The following USP34 variants were observed in gnomAD, a reference collection of about 807,000 sequenced individuals.
The protein encoded by USP34 is ubiquitin carboxyl-terminal hydrolase 34.
In USP34, 70 loss-of-function variants were observed where a neutral mutation model predicts 460.3. The observed-to-expected ratio is 0.15, with a 90% CI of 0.13 to 0.19. The LOEUF is 0.19. Ranked by LOEUF, USP34 falls within the 10% of genes least tolerant of loss-of-function variation. The probability of loss-of-function intolerance (pLI) is 1.00; values close to 1 mark genes in which losing one functional copy is unlikely to be tolerated. For synonymous variants in USP34, 1,647 were observed against 1,405.3 expected, an observed-to-expected ratio of 1.17 and a Z score of -3.85; for missense variants, 3,985 against 4,236.2, an observed-to-expected ratio of 0.94 and a Z score of 1.65.
At chr2:61,263,914 A>G (rs1572883078) in intron 43 of USP34, among the ~76,000 whole-genome samples, 1 of 152,056 alleles carries the variant, frequency 6.6e-6, no homozygotes, top group East Asian at 1.9e-4. Context: ...TATGAGATCT[A>G]CTCATAATCA....
intron 2 of USP34, among the ~76,000 whole-genome samples, chr2:61,412,189 CAAAAAAAAAA>C (rs10581550): frequency 4.3e-5 from 4 of 92,150 alleles, no homozygotes; most frequent in Non-Finnish European, 8.7e-5. Flanking sequence ...AACTCCATCT[CAAAAAAAAAA>C]AAAAAAAAGA....
chr2:61,190,539 G>A lies in USP34; in HGVS notation c.9708C>T (p.Phe3236=). 1.9e-6 allele frequency: 3 copies of A among 1,613,884 alleles called. No homozygotes were observed. Among genetic ancestry groups the A allele is most frequent in the Non-Finnish European group, 2.5e-6 (3 of 1,179,944 alleles). Reference sequence around the variant, plus strand: ...GTACCTTTAGAAGGAAATGTGTCATGAACGTGTAGACAATGTTGTTGTTTA... The same window carrying A: ...GTACCTTTAGAAGGAAATGTGTCATAAACGTGTAGACAATGTTGTTGTTTA... ...TFLNNNIVYT[F]MTHFLLKVQS... Residue 3236 remains phenylalanine (F), a synonymous_variant, in exon 77 of 80, where the codon TTC becomes TTT. Coordinates refer to ENST00000398571, the MANE Select transcript of USP34 (RefSeq NM_014709.4).
In USP34 at chr2:61,188,123, T is replaced by C; in HGVS notation, c.10620A>G (p.Lys3540=). 1 of 1,613,214 alleles carries C rather than the reference T, an allele frequency of 6.2e-7. No individual in the cohort carries two copies. The highest frequency in any genetic ancestry group is 8.5e-7 in the Non-Finnish European group (1 of 1,179,450). The part of the protein sequence containing the change: ...TIHVVTRISG[K]GNQAAS Reference sequence around the variant, plus strand: ...AATGTCAAGAAGCAGCTTGGTTTCCTTTGCCAGATATCCTTGTGACGACAT... The same window carrying C: ...AATGTCAAGAAGCAGCTTGGTTTCCCTTGCCAGATATCCTTGTGACGACAT... The change falls in exon 80 of 80, where the codon AAA becomes AAG. Residue 3540 remains lysine (K), a synonymous_variant. Transcript: ENST00000398571.
chr2:61,249,288 A>C (rs922908476), intron 48 of USP34, among the ~76,000 whole-genome samples: 9 of 152,234 alleles, frequency 5.9e-5, no homozygotes, highest in Non-Finnish European at 8.8e-5. Flanking sequence ...CCTTGAATAC[A>C]AACAGTACAA....
intron 5 of USP34, among the ~76,000 whole-genome samples, chr2:61,391,221 G>A (rs1219709673): frequency 2.6e-5 from 4 of 152,254 alleles, no homozygotes; most frequent in Non-Finnish European, 2.9e-5. Context: ...CAAGGCGGGC[G>A]GATCATTTGA....
In USP34 at chr2:61,417,898, G is replaced by A. The variant is rs139559621; in HGVS notation, c.131+2848C>T. Among the ~76,000 whole-genome samples, 709 of 147,684 alleles carry A rather than the reference G, an allele frequency of 4.8e-3. 7 individuals are homozygous for A. The highest frequency in any genetic ancestry group is 0.036 in the Middle Eastern group (10 of 280). ...CTGGGGTTACACATGAGCACCCCAC[G>A]CCTGGCTAATTTTTGTATTTTTAGT... On this transcript the variant is annotated intron_variant, in intron 2 of 79. Coordinates refer to ENST00000398571, the MANE Select transcript of USP34 (RefSeq NM_014709.4).
chr2:61,265,695 A>T (rs200797879), intron 42 of USP34, 138 bp from the exon 43 acceptor site: 16 of 532,908 alleles, frequency 3.0e-5, no homozygotes, highest in Admixed American at 5.1e-5. Context: ...TTTTTTAAAT[A>T]AAAAAAAATA....
chr2:61,455,753 G>A (rs1695418832), intron 1 of USP34, among the ~76,000 whole-genome samples: 2 of 152,120 alleles, frequency 1.3e-5, no homozygotes, highest in African/African-American at 2.4e-5. Flanking sequence ...TATTTTTCAT[G>A]CTGTTGTTTT....
At chr2:61,278,320 T>C (rs751084660) in intron 40 of USP34, 35 bp from the exon 41 acceptor site, 31 of 1,610,228 alleles carry the variant, frequency 1.9e-5, no homozygotes, top group South Asian at 3.3e-5. Flanking sequence ...ACAAGCAAGA[T>C]AGTTCACATA....
intron 67 of USP34, among the ~76,000 whole-genome samples, chr2:61,219,122 A>G (rs758150958): frequency 6.6e-6 from 1 of 152,062 alleles, no homozygotes; most frequent in Admixed American, 6.5e-5. Flanking sequence ...ATGAATATTT[A>G]TTTTATCCTT....
chr2:61,187,655 C>G lies in USP34; in HGVS notation c.*447G>C, dbSNP rs527712653. On this transcript the variant is annotated 3_prime_UTR_variant, in exon 80 of 80. Transcript: ENST00000398571. ...GAGGATTCTTTACAGAATCAAATTT[C>G]TTGTGGTTGTTCCGTATACAAGTAA... is the stretch of plus-strand genomic sequence containing the variant. 1.6e-6 allele frequency: 1 copy of G among 629,742 alleles called. No individual in the cohort carries two copies. The highest frequency in any genetic ancestry group is 2.0e-5 in the African/African-American group (1 of 50,018). 39.0% of individuals were successfully genotyped at this position (629,742 alleles called of 1,614,324 possible).
chr2:61,222,954 C>G, intron 64 of USP34, 106 bp downstream of exon 64: 1 of 1,043,186 alleles, frequency 9.6e-7, no homozygotes, highest in South Asian at 1.7e-5. Flanking sequence ...GCCTTGGCCT[C>G]CCAAAGTGCT....
At chr2:61,197,156 G>C (rs1489015147) in intron 75 of USP34, among the ~76,000 whole-genome samples, 2 of 152,132 alleles carry the variant, frequency 1.3e-5, no homozygotes, top group Non-Finnish European at 2.9e-5. Context: ...TGTAATCCCA[G>C]CTACTCAGGA....
At chr2:61,222,925 A>T in intron 64 of USP34, 135 bp downstream of exon 64, 1 of 803,860 alleles carries the variant, frequency 1.2e-6, no homozygotes, top group Non-Finnish European at 1.9e-6. Context: ...TCAAACTCCT[A>T]GGCTCAAGCG....
intron 79 of USP34, 73 bp downstream of exon 79, chr2:61,188,837 T>C: frequency 1.3e-6 from 2 of 1,585,380 alleles, no homozygotes; most frequent in Non-Finnish European, 1.7e-6. Context: ...ACACAACTCT[T>C]AAACCAGTTA....
rs1306830531 is a variant in USP34 at position 61,246,420 on chromosome 2, A to G, written c.6452T>C (p.Ile2151Thr). 3 of 1,609,182 alleles carry G rather than the reference A, an allele frequency of 1.9e-6. No homozygotes were observed. The East Asian group carries it at 6.7e-5, about 36-fold the overall frequency. The change falls in exon 50 of 80, where the codon ATA (isoleucine) becomes ACA (threonine). Residue 2151 changes from isoleucine to threonine, a missense_variant. Ile to Thr is a moderately conservative substitution (Grantham distance 89). Coordinates refer to ENST00000398571, the MANE Select transcript of USP34 (RefSeq NM_014709.4). ...CGTTCCTGTGTGAACAGTCACTCCT[A>G]TCAAGTCATATTCATAGCTCTCTGA... ...KDSESYEYDL[I>T]GVTVHTGTAD...
At chr2:61,470,129 G>T (rs867787440) in intron 1 of USP34, among the ~76,000 whole-genome samples, 4 of 152,188 alleles carry the variant, frequency 2.6e-5, no homozygotes, top group Admixed American at 2.6e-4. Flanking sequence ...AGGTCTGGCT[G>T]AAGTGTTTAA....
At position 61,339,413 on chromosome 2, in the gene USP34, A is replaced by T. The variant is rs778366430; in HGVS notation, c.2682T>A (p.Phe894Leu). 3.1e-6 allele frequency: 5 copies of T among 1,608,676 alleles called. No individual in the cohort carries two copies. The highest frequency in any genetic ancestry group is 4.2e-6 in the Non-Finnish European group (5 of 1,177,446). Residue 894 changes from phenylalanine to leucine, a missense_variant, in exon 18 of 80, where the codon TTT becomes TTA. Coordinates refer to ENST00000398571, the MANE Select transcript of USP34 (RefSeq NM_014709.4). ...EKLLCSLVCW[F>L]TDRQIRMRFI... ...ATCTCATTCGAATTTGTCTATCTGT[A>T]AACCAACATACTAACGAACAAAGAA... is the stretch of plus-strand genomic sequence containing the variant.
chr2:61,374,179 C>G (rs67998522), intron 8 of USP34, among the ~76,000 whole-genome samples: 76,564 of 140,878 alleles, frequency 0.54, 20,576 homozygotes, highest in South Asian at 0.74. Flanking sequence ...AAAAAAAAAA[C>G]AGAGAAAATG....
Sources: gnomAD v4.1 joint callset for allele counts (sites outside exome capture counted in the v4.1 genomes callset) on GRCh38, gnomAD v4.1.1 for gene constraint, MANE v1.5 for transcripts, NCBI Gene and HGNC (gene_info 2026-07-23, HGNC 2026-07-21) for gene names.